THSD7A: variants seen among roughly 807,000 people sequenced by gnomAD.
THSD7A encodes the protein thrombospondin type 1 domain containing 7A, also known as thrombospondin type-1 domain-containing protein 7A.
Under a neutral mutation model 231.3 loss-of-function variants are expected in THSD7A, and 96 were observed. The ratio of observed to expected loss-of-function variants is 0.41; its 90% CI spans 0.35 to 0.49. The LOEUF is 0.49. Among genes scored for constraint, THSD7A ranks in the 20% least tolerant of loss-of-function variants. The probability of loss-of-function intolerance (pLI) is 0.05; values close to 1 mark genes in which losing one functional copy is unlikely to be tolerated. For missense variants in THSD7A, 2,290 were observed against 2,070.2 expected, an observed-to-expected ratio of 1.11 and a Z score of -2.06; for synonymous variants, 940 against 743.3, an observed-to-expected ratio of 1.26 and a Z score of -4.30.
chr7:11,582,370 G>T (rs1032918062), intron 4 of THSD7A, among the ~76,000 whole-genome samples: 2 of 151,614 alleles, frequency 1.3e-5, no homozygotes, highest in Non-Finnish European at 2.9e-5. Flanking sequence ...AAAATAGAAG[G>T]GTGTTCAATA....
In THSD7A at chr7:11,636,917, T is replaced by G. The variant is rs1261441783; in HGVS notation, c.235A>C (p.Ile79Leu). The change falls in exon 2 of 28, where the codon ATC (isoleucine) becomes CTC (leucine). Residue 79 changes from isoleucine (I) to leucine (L), a missense_variant. Coordinates refer to ENST00000423059, the MANE Select transcript of THSD7A (RefSeq NM_015204.3). The surrounding 1 kb of genome is among the most constrained non-coding windows in gnomAD (Gnocchi z 10.0). ...CMGDECGPGGIQTRAVWCAHV... is the reference protein window; with the variant it reads ...CMGDECGPGGLQTRAVWCAHV... ...GCACACCACACAGCCCTCGTTTGGA[T>G]GCCTCCGGGACCACATTCATCTCCC... The G allele has an allele frequency of 6.2e-7, 1 of 1,613,120 alleles. No individual in the cohort carries two copies. Among genetic ancestry groups the G allele is most frequent in the Admixed American group, 1.7e-5 (1 of 60,020 alleles).
intron 4 of THSD7A, among the ~76,000 whole-genome samples, chr7:11,558,355 C>A (rs1789935674): frequency 6.6e-6 from 1 of 152,002 alleles, no homozygotes; most frequent in Non-Finnish European, 1.5e-5. Context: ...AAAATAAAGC[C>A]TTTTATTATA....
intron 6 of THSD7A, among the ~76,000 whole-genome samples, chr7:11,535,697 G>C (rs1298184566): frequency 6.6e-6 from 1 of 152,026 alleles, no homozygotes; most frequent in Non-Finnish European, 1.5e-5. Context: ...ATGGATTCTT[G>C]CATTTAAAAG....
chr7:11,701,179 AGT>A (rs34791405), intron 1 of THSD7A, among the ~76,000 whole-genome samples: 40 of 150,400 alleles, frequency 2.7e-4, no homozygotes, highest in Non-Finnish European at 4.6e-4. Context: ...AAAAAACACA[AGT>A]GTGTGTGTGT....
At chr7:11,510,747 A>G (rs1160400685) in intron 6 of THSD7A, among the ~76,000 whole-genome samples, 1 of 152,180 alleles carries the variant, frequency 6.6e-6, no homozygotes, top group Non-Finnish European at 1.5e-5. Flanking sequence ...AAAACTCTCA[A>G]CAAACTAGGT....
chr7:11,554,336 T>C (rs10235721), intron 4 of THSD7A, among the ~76,000 whole-genome samples: 10,030 of 152,112 alleles, frequency 0.066, 1,149 homozygotes, highest in African/African-American at 0.23. Context: ...GAGTTTGGAA[T>C]GATGCAGCTA....
At chr7:11,599,176 G>C (rs188341204) in intron 2 of THSD7A, among the ~76,000 whole-genome samples, 4 of 152,166 alleles carry the variant, frequency 2.6e-5, no homozygotes, top group Non-Finnish European at 4.4e-5. Context: ...CAATTAGGGC[G>C]TCTCTTAGTA....
At chr7:11,500,979 A>G (rs1273527068) in intron 6 of THSD7A, among the ~76,000 whole-genome samples, 1 of 151,588 alleles carries the variant, frequency 6.6e-6, no homozygotes, top group Non-Finnish European at 1.5e-5. Context: ...TTGCAATCCT[A>G]ATTTCAGACA....
intron 1 of THSD7A, among the ~76,000 whole-genome samples, chr7:11,670,641 T>A (rs1268062906): frequency 6.6e-6 from 1 of 152,194 alleles, no homozygotes; most frequent in Non-Finnish European, 1.5e-5. Context: ...TGAGCACATT[T>A]CCAGAATTCT....
chr7:11,449,146 TTC>T (rs1785066486), intron 11 of THSD7A, among the ~76,000 whole-genome samples: 1 of 152,080 alleles, frequency 6.6e-6, no homozygotes, highest in Non-Finnish European at 1.5e-5. Context: ...ATGCTCTGAT[TTC>T]CCTGGTTGAG....
intron 1 of THSD7A, among the ~76,000 whole-genome samples, chr7:11,747,152 T>G (rs190767261): frequency 1.3e-5 from 2 of 152,106 alleles, no homozygotes; most frequent in East Asian, 3.9e-4. Context: ...AGAATTTAAA[T>G]ACTATTAGGA....
chr7:11,612,180 G>T (rs1780956315), intron 2 of THSD7A, among the ~76,000 whole-genome samples: 1 of 152,032 alleles, frequency 6.6e-6, no homozygotes, highest in Non-Finnish European at 1.5e-5. Context: ...CCTCTCCATA[G>T]CACGGCCTAA....
chr7:11,775,999 T>G (rs1453569960), intron 1 of THSD7A, among the ~76,000 whole-genome samples: 1 of 152,224 alleles, frequency 6.6e-6, no homozygotes. Flanking sequence ...ATTTTGTAAG[T>G]AAAATAAATG....
chr7:11,429,642 G>A (rs1225941708), intron 13 of THSD7A, among the ~76,000 whole-genome samples: 1 of 152,166 alleles, frequency 6.6e-6, no homozygotes, highest in African/African-American at 2.4e-5. Flanking sequence ...GAAGAAAAAT[G>A]CAGGATGTTA....
At chr7:11,565,699 G>T (rs370285487) in intron 4 of THSD7A, among the ~76,000 whole-genome samples, 2 of 152,136 alleles carry the variant, frequency 1.3e-5, no homozygotes, top group Non-Finnish European at 2.9e-5. Context: ...TCATCACATC[G>T]TTTCCTCTTG....
At position 11,475,738 on chromosome 7, in the gene THSD7A, G is replaced by A. The variant is rs529079213; in HGVS notation, c.2018-1170C>T. ...TCATTTAGCTGTAAAAATTGAACAA[G>A]TTAAATAAAAATATTCTTCTCAATG... is the stretch of plus-strand genomic sequence containing the variant. On this transcript the variant is annotated intron_variant, in intron 7 of 27. Transcript: ENST00000423059. Among the ~76,000 whole-genome samples the A allele has an allele frequency of 2.7e-5, 4 of 150,588 alleles. No individual in the cohort carries two copies. In the South Asian group the frequency reaches 8.3e-4, roughly 31 times the overall value.
chr7:11,738,923 C>A (rs943172074), intron 1 of THSD7A, among the ~76,000 whole-genome samples: 1 of 151,976 alleles, frequency 6.6e-6, no homozygotes, highest in African/African-American at 2.4e-5. Flanking sequence ...CATTTGGGTT[C>A]TTTTAAGCCA....
intron 4 of THSD7A, among the ~76,000 whole-genome samples, chr7:11,569,873 G>C (rs56074516): frequency 0.26 from 39,877 of 152,082 alleles, 5,317 homozygotes; most frequent in Middle Eastern, 0.41. Context: ...GTCATTTGCA[G>C]CTACATGGAT....
chr7:11,807,918 T>A (rs1784438447), intron 1 of THSD7A, among the ~76,000 whole-genome samples: 2 of 152,204 alleles, frequency 1.3e-5, no homozygotes, highest in East Asian at 1.9e-4. Context: ...AATTAAGTAA[T>A]ACCAAAATAA....
Sources: gnomAD v4.1 joint callset for allele counts (sites outside exome capture counted in the v4.1 genomes callset) on GRCh38, gnomAD v4.1.1 for gene constraint, Gnocchi (gnomAD v3.1) non-coding constraint, MANE v1.5 for transcripts, NCBI Gene and HGNC (gene_info 2026-07-23, HGNC 2026-07-21) for gene names.